Variants in KIF13B observed in about 807,000 individuals in gnomAD.
KIF13B encodes the protein kinesin family member 13B, also known as kinesin-like protein KIF13B.
A neutral mutation model predicts 222.0 loss-of-function variants in KIF13B; 127 were observed. That is an observed-to-expected ratio of 0.57 (90% CI 0.50 to 0.66). The LOEUF is 0.66. Among genes scored for constraint, KIF13B ranks in the 30% least tolerant of loss-of-function variants. KIF13B has a pLI of 0.00. For missense variants in KIF13B, 2,173 were observed against 2,379.0 expected (o/e 0.91, Z 1.80); for synonymous variants, 976 against 919.0 (o/e 1.06, Z -1.12).
intron 35 of KIF13B, among the ~76,000 whole-genome samples, chr8:29,107,550 A>T (rs1809134364): frequency 1.3e-5 from 2 of 149,096 alleles, no homozygotes; most frequent in Non-Finnish European, 3.0e-5. Flanking sequence ...CACAAAATCT[A>T]ATTTGAAGTT....
At chr8:29,167,810 G>T (rs4439175) in intron 10 of KIF13B, among the ~76,000 whole-genome samples, 4 of 152,290 alleles carry the variant, frequency 2.6e-5, no homozygotes, top group Admixed American at 6.5e-5. Context: ...AAAGGACGGG[G>T]AAATGTCATG....
intron 30 of KIF13B, among the ~76,000 whole-genome samples, chr8:29,117,627 G>A (rs188992449): frequency 1.1e-3 from 162 of 152,196 alleles, no homozygotes; most frequent in African/African-American, 3.7e-3. Flanking sequence ...ATGCATAGCC[G>A]CTGGGTGTGT....
intron 21 of KIF13B, among the ~76,000 whole-genome samples, chr8:29,134,547 A>G (rs1034666577): frequency 6.6e-6 from 1 of 152,262 alleles, no homozygotes; most frequent in Non-Finnish European, 1.5e-5. Context: ...GCACTCTTCA[A>G]TGATATGAAC....
chr8:29,175,558 A>G (rs999559572), intron 10 of KIF13B, among the ~76,000 whole-genome samples: 2 of 152,186 alleles, frequency 1.3e-5, no homozygotes, highest in Non-Finnish European at 2.9e-5. Flanking sequence ...TGTGTGCTCT[A>G]CTCTGCAGCC....
In KIF13B at chr8:29,071,353, CA is replaced by C. The variant is rs553616898; in HGVS notation, c.5218+266del. On this transcript the variant is annotated intron_variant, in intron 39 of 39. Coordinates refer to ENST00000524189, the MANE Select transcript of KIF13B (RefSeq NM_015254.4). This position sits in a 1 kb window ranked among gnomAD's most constrained non-coding sequence, Gnocchi z 4.9. ...GTGCAGAGGGCAGGGGAGACCGGAACAAAAGCGGGAACAGCCATGGCGATGG... is the reference window on the plus strand; with the variant it reads ...GTGCAGAGGGCAGGGGAGACCGGAACAAAGCGGGAACAGCCATGGCGATGG... Among the ~76,000 whole-genome samples the C allele has an allele frequency of 3.4e-4, 52 of 152,208 alleles. 1 individual carries two copies. The highest frequency in any genetic ancestry group is 5.9e-4 in the Non-Finnish European group (40 of 68,006).
intron 6 of KIF13B, among the ~76,000 whole-genome samples, chr8:29,182,412 A>G (rs1010830691): frequency 9.2e-5 from 14 of 152,234 alleles, no homozygotes; most frequent in African/African-American, 1.4e-4. Context: ...ACTGAATCCA[A>G]TGATTTCAAA....
In KIF13B at chr8:29,177,535, G is replaced by A. The variant is rs1276999381; in HGVS notation, c.764C>T (p.Ala255Val). ...TGTCTTCGTTGCTCGTTCACTGCCAGCTAAATCCACCAGGCTGAGTTTGCC... is the reference window on the plus strand; with the variant it reads ...TGTCTTCGTTGCTCGTTCACTGCCAACTAAATCCACCAGGCTGAGTTTGCC... Reference protein sequence around the residue: ...KVGKLSLVDLAGSERATKTGA... With the variant: ...KVGKLSLVDLVGSERATKTGA... The change falls in exon 9 of 40, where the codon GCT (alanine) becomes GTT (valine). Residue 255 changes from alanine (A) to valine (V), a missense_variant. Ala to Val is a moderately conservative substitution (Grantham distance 64). Around this residue, in one of 2 missense-constraint regions of KIF13B, gnomAD observed 1,480 missense variants for 1,722.8 expected, o/e 0.86. Coordinates refer to ENST00000524189, the MANE Select transcript of KIF13B (RefSeq NM_015254.4). 1 of 1,613,848 alleles carries A rather than the reference G, an allele frequency of 6.2e-7. No individual in the cohort carries two copies. Among genetic ancestry groups the A allele is most frequent in the Non-Finnish European group, 8.5e-7 (1 of 1,179,760 alleles).
At chr8:29,189,219 C>A (rs1455967236) in intron 4 of KIF13B, 1 of 151,764 alleles carries the variant, frequency 6.6e-6, no homozygotes, top group African/African-American at 2.4e-5. Context: ...CACTTAGTCT[C>A]AATACCACAT....
chr8:29,255,826 T>C (rs1816454636), intron 1 of KIF13B, among the ~76,000 whole-genome samples: 1 of 152,120 alleles, frequency 6.6e-6, no homozygotes, highest in Non-Finnish European at 1.5e-5. Context: ...TCCTGTGACA[T>C]GTGATTGCTT....
At chr8:29,090,488 C>T (rs1042202347) in intron 37 of KIF13B, among the ~76,000 whole-genome samples, 15 of 152,142 alleles carry the variant, frequency 9.9e-5, no homozygotes, top group African/African-American at 3.4e-4. Context: ...GGAAGTTGCA[C>T]TGAAGCCTGG....
intron 1 of KIF13B, among the ~76,000 whole-genome samples, chr8:29,256,214 C>T (rs1363863962): frequency 2.6e-5 from 4 of 152,188 alleles, no homozygotes; most frequent in East Asian, 1.9e-4. Context: ...CCCACACCTC[C>T]ACCCTAAAAC....
At chr8:29,205,755 G>C (rs1314411666) in intron 2 of KIF13B, among the ~76,000 whole-genome samples, 1 of 152,092 alleles carries the variant, frequency 6.6e-6, no homozygotes, top group Non-Finnish European at 1.5e-5. Flanking sequence ...GGTAGGTCTA[G>C]AGTTTAGATC....
Position 29,148,573 on chromosome 8 carries a change from TC to T in KIF13B, c.1813+3del. The T allele has an allele frequency of 6.3e-7, 1 of 1,589,144 alleles. No homozygotes were observed. ...ATTCTCAAGTGCACGCCCGACTTGC[TC>T]ACCATTGCTGCCCAGGGCCTTCATG... On this transcript the variant is annotated splice_donor_region_variant and intron_variant, in intron 16 of 39. Transcript: ENST00000524189.
Position 29,113,552 on chromosome 8 carries a change from A to G in KIF13B, c.3841T>C (p.Phe1281Leu), listed in dbSNP as rs775604707. 1.2e-5 allele frequency: 19 copies of G among 1,567,386 alleles called. No individual in the cohort carries two copies. The highest frequency in any genetic ancestry group is 1.5e-5 in the Non-Finnish European group (17 of 1,152,144). The change falls in exon 32 of 40, where the codon TTT becomes CTT. Residue 1281 changes from phenylalanine (F) to leucine (L), a missense_variant. Physicochemically the swap from Phe to Leu is conservative, Grantham distance 22. This residue lies in a region of KIF13B where 1,480 missense variants were observed against 1,722.8 expected (regional missense o/e 0.86). Transcript: ENST00000524189. ...ICVNVHGRQG[F>L]AQSLLKKMSH... ...ATCTTTTTTAGGAGACTCTGTGCAA[A>G]ACCCTAGAGAAAAACAAAATAGAAG...
chr8:29,093,995 T>A (rs1300151189), intron 36 of KIF13B, among the ~76,000 whole-genome samples: 1 of 151,930 alleles, frequency 6.6e-6, no homozygotes, highest in Non-Finnish European at 1.5e-5. Flanking sequence ...AGGAAAAAAA[T>A]TACAATCTAG....
At chr8:29,171,968 G>A (rs546914244) in intron 10 of KIF13B, among the ~76,000 whole-genome samples, 42 of 151,754 alleles carry the variant, frequency 2.8e-4, no homozygotes, top group African/African-American at 1.0e-3. Flanking sequence ...ATGTTGGCCA[G>A]GCTGGTCTCA....
chr8:29,174,570 G>T (rs1016270232), intron 10 of KIF13B, among the ~76,000 whole-genome samples: 2 of 152,102 alleles, frequency 1.3e-5, no homozygotes, highest in Non-Finnish European at 2.9e-5. Context: ...GTGGGCCAAG[G>T]TGTTTTAATT....
intron 2 of KIF13B, among the ~76,000 whole-genome samples, chr8:29,217,852 G>T (rs984887796): frequency 6.6e-6 from 1 of 151,994 alleles, no homozygotes; most frequent in Admixed American, 6.5e-5. Flanking sequence ...CAGTGTGGGG[G>T]GCTATCAGGA....
chr8:29,154,654 G>A (rs1222803423), intron 14 of KIF13B, among the ~76,000 whole-genome samples: 2 of 152,176 alleles, frequency 1.3e-5, no homozygotes, highest in Non-Finnish European at 2.9e-5. Context: ...TATTCTTTGG[G>A]TGGCACAGTG....
Sources: allele counts gnomAD v4.1 joint callset (sites outside exome capture counted in the v4.1 genomes callset), GRCh38; gene constraint gnomAD v4.1.1; regional missense constraint gnomAD v4.1.1; non-coding constraint Gnocchi (gnomAD v3.1); transcripts MANE v1.5; gene names NCBI Gene and HGNC (gene_info 2026-07-23, HGNC 2026-07-21).